LARP4: variants seen among roughly 807,000 people sequenced by gnomAD.
LARP4 encodes the protein la-related protein 4.
LARP4 carries 29 observed loss-of-function variants against 92.9 expected under a neutral mutation model. The ratio of observed to expected loss-of-function variants is 0.31; its 90% CI spans 0.23 to 0.43. The LOEUF (loss-of-function observed/expected upper bound fraction) is 0.43. Ranked by LOEUF, LARP4 falls within the 20% of genes least tolerant of loss-of-function variation. The pLI is 1.00. For missense variants in LARP4, 732 were observed against 860.0 expected, an observed-to-expected ratio of 0.85 and a Z score of 1.86; for synonymous variants, 279 against 284.1, an observed-to-expected ratio of 0.98 and a Z score of 0.18.
intron 8 of LARP4, among the ~76,000 whole-genome samples, chr12:50,442,482 C>T (rs1210545343): frequency 1.3e-5 from 2 of 152,104 alleles, no homozygotes; most frequent in East Asian, 1.9e-4. Flanking sequence ...ACCAGTTTTT[C>T]CCCCCCTTAA....
rs183452820 is a variant in LARP4, at chr12:50,410,333, A to G, written c.18+9305A>G. On this transcript the variant is annotated intron_variant, in intron 1 of 15. Coordinates refer to ENST00000398473, the MANE Select transcript of LARP4 (RefSeq NM_052879.5). ...AACGATCCTCCCATCTTGGCCTCCC[A>G]AAGTGCTGCGATTACAGGTGTGAGG... Among the ~76,000 whole-genome samples, 299 of 151,972 alleles carry G rather than the reference A, an allele frequency of 2.0e-3. 1 individual carries two copies. Among genetic ancestry groups the G allele is most frequent in the Non-Finnish European group, 2.1e-3 (142 of 67,992 alleles).
At chr12:50,461,096 AT>A (rs752290378) in intron 10 of LARP4, 38 bp from the exon 11 acceptor site, 98 of 1,547,682 alleles carry the variant, frequency 6.3e-5, no homozygotes, top group Non-Finnish European at 7.9e-5. Context: ...TTCTGTCTCG[AT>A]TTACTGCTTT....
At chr12:50,410,538 T>C (rs2136381435) in intron 1 of LARP4, among the ~76,000 whole-genome samples, 1 of 152,024 alleles carries the variant, frequency 6.6e-6, no homozygotes, top group African/African-American at 2.4e-5. Context: ...CCCAAGTAGC[T>C]GGGATTACAG....
At chr12:50,406,106 GTACT>G (rs1188894384) in intron 1 of LARP4, among the ~76,000 whole-genome samples, 2 of 152,086 alleles carry the variant, frequency 1.3e-5, no homozygotes, top group African/African-American at 2.4e-5. Flanking sequence ...AGGGCCAACT[GTACT>G]TACTTACTTA....
chr12:50,468,206 C>G (rs763853213), intron 13 of LARP4, among the ~76,000 whole-genome samples: 38 of 152,164 alleles, frequency 2.5e-4, no homozygotes, highest in Non-Finnish European at 4.9e-4. Context: ...TCTCAAACTC[C>G]TGACCTTGCG....
intron 4 of LARP4, among the ~76,000 whole-genome samples, chr12:50,434,392 A>G (rs903248119): frequency 1.0e-4 from 15 of 150,640 alleles, no homozygotes; most frequent in African/African-American, 3.2e-4. Context: ...TTAATATTAA[A>G]TATATATTTT....
chr12:50,470,577 G>A (rs1002099430), intron 13 of LARP4, among the ~76,000 whole-genome samples: 5 of 152,034 alleles, frequency 3.3e-5, no homozygotes, highest in African/African-American at 1.2e-4. Context: ...GGGATTACAG[G>A]CACTTGCCAC....
intron 1 of LARP4, among the ~76,000 whole-genome samples, chr12:50,405,034 G>A (rs1944545700): frequency 6.6e-6 from 1 of 151,172 alleles, no homozygotes. Context: ...GGGACTTCAG[G>A]CATGTGCCAC....
chr12:50,425,870 C>T (rs772632498), intron 1 of LARP4, among the ~76,000 whole-genome samples: 4 of 152,176 alleles, frequency 2.6e-5, no homozygotes, highest in Non-Finnish European at 5.9e-5. Context: ...GTTCCCTCCT[C>T]CTCAGCTTCT....
At chr12:50,417,715 G>A (rs919369426) in intron 1 of LARP4, among the ~76,000 whole-genome samples, 1 of 152,172 alleles carries the variant, frequency 6.6e-6, no homozygotes, top group East Asian at 1.9e-4. Context: ...TATATTTTGA[G>A]ATGGAGTCTC....
rs1408107893 is a variant in LARP4, at chr12:50,440,472, C to T, written c.673C>T (p.Pro225Ser). The T allele has an allele frequency of 6.2e-7, 1 of 1,613,712 alleles. No individual in the cohort carries two copies. Among genetic ancestry groups the T allele is most frequent in the African/African-American group, 1.3e-5 (1 of 74,996 alleles). The change falls in exon 7 of 16, where the codon CCC becomes TCC. Residue 225 changes from proline (P) to serine (S), a missense_variant. Physicochemically the swap from Pro to Ser is moderately conservative, Grantham distance 74 (BLOSUM62 -1). This residue lies in a region of LARP4 where 236 missense variants were observed against 307.6 expected (regional missense o/e 0.77). Coordinates refer to ENST00000398473, the MANE Select transcript of LARP4 (RefSeq NM_052879.5). ...VKGLFKSENC[P>S]KVISCEFAHN... ...AGGTTTGTTCAAAAGTGAAAACTGC[C>T]CCAAAGTGATAAGCTGTGAGTTTGC...
At chr12:50,461,423 A>G (rs538574460) in intron 11 of LARP4, 76 bp downstream of exon 11, 45 of 1,254,176 alleles carry the variant, frequency 3.6e-5, no homozygotes, top group African/African-American at 3.4e-4. Flanking sequence ...TGATCTTCAT[A>G]ATAATTAAAT....
At chr12:50,457,844 A>G (rs922462952) in intron 10 of LARP4, among the ~76,000 whole-genome samples, 1 of 151,570 alleles carries the variant, frequency 6.6e-6, no homozygotes, top group Non-Finnish European at 1.5e-5. Context: ...TTGTTAAGTG[A>G]CATACTATTT....
At chr12:50,444,147 C>A (rs1419424360) in intron 8 of LARP4, among the ~76,000 whole-genome samples, 2 of 151,818 alleles carry the variant, frequency 1.3e-5, no homozygotes, top group East Asian at 1.9e-4. Flanking sequence ...TTGTTTTAGC[C>A]TACATTATTC....
intron 8 of LARP4, among the ~76,000 whole-genome samples, chr12:50,447,713 TG>T (rs1593205986): frequency 6.6e-6 from 1 of 152,108 alleles, no homozygotes; most frequent in East Asian, 1.9e-4. Flanking sequence ...CTAATTATTT[TG>T]TTTGTTTGTT....
rs751661033 is a variant in LARP4 at position 50,467,038 on chromosome 12, C to A, written c.1463C>A (p.Pro488His). Residue 488 changes from proline to histidine, a missense_variant, in exon 13 of 16, where the codon CCT becomes CAT. By Grantham distance (77) the Pro-to-His change is moderately conservative (BLOSUM62 -2). Coordinates refer to ENST00000398473, the MANE Select transcript of LARP4 (RefSeq NM_052879.5). ...DLLASNFPPL[P>H]GSSSRMPGEL... ...TTAGCCTCAAATTTTCCACCTTTAC[C>A]TGGAAGTTCATCAAGAATGCCAGGT... 1 of 1,613,764 alleles carries A rather than the reference C, an allele frequency of 6.2e-7. No homozygotes were observed. Among genetic ancestry groups the A allele is most frequent in the South Asian group, 1.1e-5 (1 of 91,036 alleles).
intron 8 of LARP4, among the ~76,000 whole-genome samples, chr12:50,445,287 A>G (rs1951838057): frequency 6.6e-6 from 1 of 151,646 alleles, no homozygotes. Context: ...ACCATTCTGG[A>G]CTCTTGTTTC....
At chr12:50,453,438 C>T in intron 8 of LARP4, 22 bp from the exon 9 acceptor site, 6 of 1,373,326 alleles carry the variant, frequency 4.4e-6, no homozygotes, top group Non-Finnish European at 6.2e-6. Context: ...TTCTTTGTTG[C>T]TATAATGTGT....
In LARP4 at chr12:50,455,807, C is replaced by G. The variant is rs117702441; in HGVS notation, c.1121+1390C>G. Among the ~76,000 whole-genome samples the G allele has an allele frequency of 6.7e-3, 1,026 of 152,154 alleles. 24 individuals are homozygous for G. The highest frequency in any genetic ancestry group is 0.048 in the East Asian group (247 of 5,182). ...AAAATTTTACTACTAAACATAAACA[C>G]AGGCTGAGGTGGGTGGATCATCTGA... On this transcript the variant is annotated intron_variant, in intron 10 of 15. Coordinates refer to ENST00000398473, the MANE Select transcript of LARP4 (RefSeq NM_052879.5).
Sources: gnomAD v4.1 joint callset for allele counts (sites outside exome capture counted in the v4.1 genomes callset) on GRCh38, gnomAD v4.1.1 for gene constraint, gnomAD v4.1.1 regional missense constraint, MANE v1.5 for transcripts, NCBI Gene and HGNC (gene_info 2026-07-23, HGNC 2026-07-21) for gene names.